The following MDM4 variants were observed in gnomAD, a reference collection of about 807,000 sequenced individuals.
MDM4 encodes the protein protein Mdm4.
MDM4 carries 2 observed loss-of-function variants against 60.2 expected under a neutral mutation model. The observed-to-expected ratio is 0.03, with a 90% CI of 0.01 to 0.10. The LOEUF (loss-of-function observed/expected upper bound fraction) is 0.10, where lower values mean the gene tolerates loss of function less well. MDM4 is among the 10% of genes least tolerant of loss of function. The pLI, the probability that MDM4 is intolerant of heterozygous loss-of-function variation, is 1.00. For synonymous variants in MDM4, 202 were observed against 198.1 expected, an observed-to-expected ratio of 1.02 and a Z score of -0.17; for missense variants, 447 against 577.5, an observed-to-expected ratio of 0.77 and a Z score of 2.32.
At chr1:204,532,425 CAT>C (rs1285161221) in intron 5 of MDM4, 179 bp downstream of exon 5, 15 of 582,024 alleles carry the variant, frequency 2.6e-5, no homozygotes, top group East Asian at 2.4e-4. Flanking sequence ...AAAAATCAAA[CAT>C]AGAGTAGAAG....
rs776150230 is a variant in MDM4, at chr1:204,544,553, G to T, written c.691G>T (p.Val231Phe). ...QTNQDVGTAI[V>F]SDTTDDLWFL... is the part of the protein sequence containing the mutation. Reference sequence around the variant, plus strand: ...CTGTTAGGATGTGGGTACTGCCATTGTTTCAGATACTACAGATGACTTGTG... The same window carrying T: ...CTGTTAGGATGTGGGTACTGCCATTTTTTCAGATACTACAGATGACTTGTG... The change falls in exon 9 of 11, where the codon GTT becomes TTT. Residue 231 changes from valine (V) to phenylalanine (F), a missense_variant. Coordinates refer to ENST00000367182, the MANE Select transcript of MDM4 (RefSeq NM_002393.5). 7 of 1,611,682 alleles carry T rather than the reference G, an allele frequency of 4.3e-6. No homozygotes were observed.
Position 204,551,882 on chromosome 1 carries a change from G to A in MDM4, c.*2200G>A, listed in dbSNP as rs144412126. On this transcript the variant is annotated 3_prime_UTR_variant, in exon 11 of 11. Coordinates refer to ENST00000367182, the MANE Select transcript of MDM4 (RefSeq NM_002393.5). ...ACTTTTGGAATCCTTGCCCTAGACA[G>A]GGGTGTCCAATCTTTTGGCTTCCCT... is the stretch of plus-strand genomic sequence containing the variant. The A allele has an allele frequency of 1.4e-3, 290 of 200,048 alleles. 1 individual carries two copies. Among genetic ancestry groups the A allele is most frequent in the African/African-American group, 6.2e-3 (271 of 43,390 alleles). 12.4% of individuals were successfully genotyped at this position (200,048 alleles called of 1,614,324 possible).
chr1:204,519,046 C>T (rs1481258385), intron 1 of MDM4, among the ~76,000 whole-genome samples: 1 of 152,128 alleles, frequency 6.6e-6, no homozygotes, highest in Non-Finnish European at 1.5e-5. Context: ...ACAAAACTCA[C>T]AGTGCTCCAA....
At chr1:204,518,214 G>T (rs965275910) in intron 1 of MDM4, among the ~76,000 whole-genome samples, 33 of 152,170 alleles carry the variant, frequency 2.2e-4, no homozygotes, top group African/African-American at 6.8e-4. Flanking sequence ...CTATTCACAG[G>T]TGTGATCATT....
At chr1:204,527,143 A>AT (rs1482737554) in intron 3 of MDM4, among the ~76,000 whole-genome samples, 103 of 151,480 alleles carry the variant, frequency 6.8e-4, no homozygotes, top group African/African-American at 2.4e-3. Context: ...AAAAAAAAAA[A>AT]AAATACAAAA....
chr1:204,533,772 TTTTC>T (rs1661102669), intron 5 of MDM4, among the ~76,000 whole-genome samples: 1 of 128,376 alleles, frequency 7.8e-6, no homozygotes, highest in African/African-American at 2.5e-5. Flanking sequence ...TCTTTCTTTC[TTTTC>T]TTTTTCTTTT....
At chr1:204,518,458 C>T (rs900567278) in intron 1 of MDM4, among the ~76,000 whole-genome samples, 2 of 152,236 alleles carry the variant, frequency 1.3e-5, no homozygotes, top group Non-Finnish European at 2.9e-5. Flanking sequence ...TTATTAACTG[C>T]TTGCTCTCCA....
chr1:204,552,844 G>C lies in MDM4; in HGVS notation c.*3162G>C, dbSNP rs1250709701. 5.7e-6 allele frequency: 1 copy of C among 175,468 alleles called. No individual in the cohort carries two copies. Among genetic ancestry groups the C allele is most frequent in the Admixed American group, 6.4e-5 (1 of 15,592 alleles). The allele number at this position is 175,468 out of a possible 1,614,324, so 10.9% of individuals were successfully genotyped here. ...GAGCCGAATTTCATCTTTACTTGTA[G>C]GAAACTTTAAACTATTTCTTTTCTT... On this transcript the variant is annotated 3_prime_UTR_variant, in exon 11 of 11. Transcript: ENST00000367182.
intron 9 of MDM4, 122 bp downstream of exon 9, chr1:204,544,806 A>C: frequency 1.1e-6 from 1 of 906,704 alleles, no homozygotes; most frequent in Non-Finnish European, 1.6e-6. Context: ...AACTTTAATT[A>C]ATTTTTCAAT....
intron 1 of MDM4, among the ~76,000 whole-genome samples, chr1:204,522,381 C>T (rs991614956): frequency 2.0e-5 from 3 of 148,320 alleles, no homozygotes; most frequent in Non-Finnish European, 4.5e-5. Flanking sequence ...CAATAGCCAC[C>T]CATTAAAAGC....
chr1:204,520,862 C>G (rs968410406), intron 1 of MDM4, among the ~76,000 whole-genome samples: 2 of 152,006 alleles, frequency 1.3e-5, no homozygotes, highest in Admixed American at 1.3e-4. Flanking sequence ...GGTGACAGAA[C>G]AATACCCTGT....
intron 3 of MDM4, chr1:204,529,343 C>G (rs914352686): frequency 2.5e-6 from 2 of 803,854 alleles, no homozygotes; most frequent in Middle Eastern, 2.5e-4. Flanking sequence ...AGGAGTAGGC[C>G]TCATCCATAT....
At chr1:204,546,368 AT>A (rs1007772977) in intron 9 of MDM4, among the ~76,000 whole-genome samples, 1 of 151,700 alleles carries the variant, frequency 6.6e-6, no homozygotes, top group Non-Finnish European at 1.5e-5. Flanking sequence ...CACCTGGCTA[AT>A]TTTTTTTATT....
At chr1:204,528,704 T>C (rs1660513128) in intron 3 of MDM4, 1 of 620,238 alleles carries the variant, frequency 1.6e-6, no homozygotes, top group African/African-American at 1.8e-5. Flanking sequence ...CTCAACCCTC[T>C]TTTGGAACAG....
Position 204,539,778 on chromosome 1 carries a change from C to T in MDM4, c.511+1470C>T, listed in dbSNP as rs140113396. Among the ~76,000 whole-genome samples the T allele has an allele frequency of 9.5e-4, 145 of 152,010 alleles. 5 individuals are homozygous for T. The East Asian group carries it at 0.023, about 24-fold the overall frequency. ...GTTGATGTCATGACCTCGTGATCCA[C>T]CCGCCTTGGCCTCCCAAAGTGCTGG... On this transcript the variant is annotated intron_variant, in intron 7 of 10. Coordinates refer to ENST00000367182, the MANE Select transcript of MDM4 (RefSeq NM_002393.5).
In MDM4 at chr1:204,550,925, C is replaced by G. The variant is rs1468508865; in HGVS notation, c.*1243C>G. The G allele has an allele frequency of 1.1e-5, 2 of 182,720 alleles. No individual in the cohort carries two copies. Among genetic ancestry groups the G allele is most frequent in the Admixed American group, 6.3e-5 (1 of 15,942 alleles). The allele number at this position is 182,720 out of a possible 1,614,324, so 11.3% of individuals were successfully genotyped here. ...GTCATATAAACTGGCAAAGTCTGTTCTTAATTTAATTAGCCAAATCAGACT... is the reference window on the plus strand; with the variant it reads ...GTCATATAAACTGGCAAAGTCTGTTGTTAATTTAATTAGCCAAATCAGACT... On this transcript the variant is annotated 3_prime_UTR_variant, in exon 11 of 11. Transcript: ENST00000367182.
Position 204,549,353 on chromosome 1 carries a change from A to G in MDM4, c.1144A>G (p.Asn382Asp). Residue 382 changes from asparagine to aspartate, a missense_variant, in exon 11 of 11, where the codon AAC (asparagine) becomes GAC (aspartate). Around this residue, in one of 8 missense-constraint regions of MDM4, gnomAD observed 117 missense variants for 114.5 expected, o/e 1.02. Coordinates refer to ENST00000367182, the MANE Select transcript of MDM4 (RefSeq NM_002393.5). Reference protein sequence around the residue: ...RPKDAYIKKENSKLFDPCNSV... With the variant: ...RPKDAYIKKEDSKLFDPCNSV... ...TAAAGATGCGTATATAAAGAAAGAA[A>G]ACTCCAAACTTTTTGATCCCTGCAA... 6.2e-7 allele frequency: 1 copy of G among 1,614,208 alleles called. No homozygotes were observed. The highest frequency in any genetic ancestry group is 2.2e-5 in the East Asian group (1 of 44,892).
chr1:204,537,518 C>T, intron 6 of MDM4, 21 bp downstream of exon 6: 1 of 1,574,860 alleles, frequency 6.3e-7, no homozygotes, highest in Non-Finnish European at 8.7e-7. Flanking sequence ...CACACGGTGA[C>T]TTCTTTTGTT....
At chr1:204,547,936 G>C (rs996775593) in intron 10 of MDM4, among the ~76,000 whole-genome samples, 4 of 152,178 alleles carry the variant, frequency 2.6e-5, no homozygotes, top group Non-Finnish European at 4.4e-5. Context: ...TGGTCAGGCT[G>C]GTCTTGAACT....
Sources: allele counts gnomAD v4.1 joint callset (sites outside exome capture counted in the v4.1 genomes callset), GRCh38; gene constraint gnomAD v4.1.1; regional missense constraint gnomAD v4.1.1; transcripts MANE v1.5; gene names NCBI Gene and HGNC (gene_info 2026-07-23, HGNC 2026-07-21).